PHTF2: variants seen among roughly 807,000 people sequenced by gnomAD.
PHTF2 encodes the protein putative homeodomain transcription factor 2.
PHTF2 carries 60 observed loss-of-function variants against 101.2 expected under a neutral mutation model. That is an observed-to-expected ratio of 0.59 (90% confidence interval 0.48 to 0.73). The LOEUF (loss-of-function observed/expected upper bound fraction) is 0.73. Ranked by LOEUF, PHTF2 falls within the 30% of genes least tolerant of loss-of-function variation. The probability of loss-of-function intolerance (pLI) is 0.00; values close to 1 mark genes in which losing one functional copy is unlikely to be tolerated. For synonymous variants in PHTF2, 311 were observed against 307.3 expected, an observed-to-expected ratio of 1.01 and a Z score of -0.13; for missense variants, 747 against 908.7, an observed-to-expected ratio of 0.82 and a Z score of 2.29.
At chr7:77,912,547 C>G (rs1194492634) in intron 9 of PHTF2, among the ~76,000 whole-genome samples, 1 of 151,980 alleles carries the variant, frequency 6.6e-6, no homozygotes, top group Non-Finnish European at 1.5e-5. Context: ...TAAGTTATCT[C>G]TGTTAACATA....
intron 12 of PHTF2, 42 bp from the exon 12 acceptor site, chr7:77,937,668 A>T: frequency 1.3e-6 from 1 of 774,858 alleles, no homozygotes; most frequent in Non-Finnish European, 1.9e-6. Context: ...TTTATTTATT[A>T]AATGTGATCT....
intron 11 of PHTF2, 149 bp downstream of exon 10, chr7:77,922,927 T>C: frequency 7.4e-7 from 1 of 1,347,842 alleles, no homozygotes; most frequent in Middle Eastern, 2.7e-4. Context: ...ATTTATAAAA[T>C]AGCAGTTTTA....
At chr7:77,802,918 A>C (rs992539335) in intron 1 of PHTF2, among the ~76,000 whole-genome samples, 1 of 152,204 alleles carries the variant, frequency 6.6e-6, no homozygotes, top group African/African-American at 2.4e-5. Context: ...AACCATAAAT[A>C]CGTTAAATTT....
At chr7:77,854,984 G>T in intron 3 of PHTF2, 1 of 572,592 alleles carries the variant, frequency 1.7e-6, no homozygotes, top group South Asian at 2.2e-5. Context: ...GGCTGAGCTG[G>T]TGCCCAAGCT....
chr7:77,855,656 C>T (rs1412238890), intron 3 of PHTF2, among the ~76,000 whole-genome samples: 1 of 152,204 alleles, frequency 6.6e-6, no homozygotes, highest in African/African-American at 2.4e-5. Flanking sequence ...CAGTTTCTGA[C>T]TGCTTGGCTG....
chr7:77,920,345 T>C, exon 10 of PHTF2: 6 of 1,609,034 alleles, frequency 3.7e-6, no homozygotes, highest in Non-Finnish European at 5.1e-6. Flanking sequence ...TATCCCTTGA[T>C]GGGAAGAAGA....
At chr7:77,799,892 G>C (rs1792393960) in intron 1 of PHTF2, among the ~76,000 whole-genome samples, 1 of 152,162 alleles carries the variant, frequency 6.6e-6, no homozygotes, top group South Asian at 2.1e-4. Flanking sequence ...GTTTTCGGTT[G>C]CTTTCTTTGT....
At chr7:77,914,576 C>T (rs1802728179) in intron 9 of PHTF2, among the ~76,000 whole-genome samples, 1 of 152,168 alleles carries the variant, frequency 6.6e-6, no homozygotes, top group Non-Finnish European at 1.5e-5. Context: ...GTTGTCCCTA[C>T]AAGCTTCTTT....
At chr7:77,901,165 G>A (rs551086386) in intron 6 of PHTF2, among the ~76,000 whole-genome samples, 89 of 152,298 alleles carry the variant, frequency 5.8e-4, no homozygotes, top group Non-Finnish European at 1.2e-3. Flanking sequence ...CTTATGGCCC[G>A]TATACCTCCC....
intron 7 of PHTF2, chr7:77,908,032 T>C (rs888114245): frequency 7.9e-5 from 12 of 152,182 alleles, no homozygotes; most frequent in Non-Finnish European, 1.8e-4. Flanking sequence ...GTTTGTGATC[T>C]AGGAGAAAGG....
intron 3 of PHTF2, among the ~76,000 whole-genome samples, chr7:77,865,980 TCA>T (rs1455187530): frequency 1.3e-5 from 2 of 151,930 alleles, no homozygotes; most frequent in East Asian, 3.9e-4. Flanking sequence ...GGTCAGGAGT[TCA>T]AGACCAGCCT....
At chr7:77,842,278 A>G (rs1469515571) in intron 2 of PHTF2, among the ~76,000 whole-genome samples, 1 of 152,142 alleles carries the variant, frequency 6.6e-6, no homozygotes, top group Non-Finnish European at 1.5e-5. Context: ...ATCACGGCTC[A>G]CCGCAGCCTT....
intron 9 of PHTF2, among the ~76,000 whole-genome samples, chr7:77,915,136 C>G (rs1359241858): frequency 1.3e-5 from 2 of 151,704 alleles, no homozygotes; most frequent in African/African-American, 4.8e-5. Context: ...GGTCTTGATC[C>G]TTGACTTCGT....
intron 11 of PHTF2, among the ~76,000 whole-genome samples, chr7:77,928,366 T>C (rs6974513): frequency 0.021 from 3,185 of 152,330 alleles, 92 homozygotes; most frequent in African/African-American, 0.072. Context: ...TTTTTACTTT[T>C]ATACCACAGA....
chr7:77,804,768 A>C (rs1309492021), intron 1 of PHTF2, among the ~76,000 whole-genome samples: 1 of 152,148 alleles, frequency 6.6e-6, no homozygotes, highest in Non-Finnish European at 1.5e-5. Flanking sequence ...CCTCGTCCCA[A>C]CACCCACAAT....
At chr7:77,801,231 C>T (rs767843562) in intron 1 of PHTF2, among the ~76,000 whole-genome samples, 26 of 152,148 alleles carry the variant, frequency 1.7e-4, no homozygotes, top group Non-Finnish European at 3.1e-4. Context: ...CTGAAATGCT[C>T]TAAAATCTGG....
intron 1 of PHTF2, among the ~76,000 whole-genome samples, chr7:77,808,827 A>C (rs1390248389): frequency 6.6e-6 from 1 of 152,120 alleles, no homozygotes; most frequent in Non-Finnish European, 1.5e-5. Flanking sequence ...CATAGGGCTC[A>C]CTTTTTGTTT....
intron 3 of PHTF2, among the ~76,000 whole-genome samples, chr7:77,881,046 G>A (rs931334096): frequency 2.0e-5 from 3 of 151,944 alleles, no homozygotes; most frequent in African/African-American, 7.3e-5. Context: ...CCAAGTGGTT[G>A]TTTTTTTACC....
intron 3 of PHTF2, among the ~76,000 whole-genome samples, chr7:77,867,192 T>C (rs1389360976): frequency 1.3e-5 from 2 of 152,208 alleles, no homozygotes; most frequent in African/African-American, 4.8e-5. Flanking sequence ...CCCTGACAGC[T>C]TGCCTGCTGG....
Sources: allele counts gnomAD v4.1 joint callset (sites outside exome capture counted in the v4.1 genomes callset), GRCh38; gene constraint gnomAD v4.1.1; transcripts MANE v1.5; gene names NCBI Gene and HGNC (gene_info 2026-07-23, HGNC 2026-07-21).